The following RANBP2 variants were observed in gnomAD, a reference collection of about 807,000 sequenced individuals.
RANBP2 encodes the protein RAN binding protein 2.
In RANBP2, 57 loss-of-function variants were observed where a neutral mutation model predicts 303.6. The observed-to-expected ratio is 0.19, with a 90% CI of 0.15 to 0.23. The LOEUF (loss-of-function observed/expected upper bound fraction) is 0.23, where lower values mean the gene tolerates loss of function less well. Ranked by LOEUF, RANBP2 falls within the 10% of genes least tolerant of loss-of-function variation. The pLI is 1.00. For synonymous variants in RANBP2, 1,167 were observed against 1,301.5 expected (o/e 0.90, Z 2.23); for missense variants, 3,138 against 3,780.8 (o/e 0.83, Z 4.46).
chr2:109,565,197 C>T, the RANBP2 span, among the ~76,000 whole-genome samples: 6 of 151,640 alleles, frequency 4.0e-5, no homozygotes, highest in Non-Finnish European at 8.8e-5. Flanking sequence ...TCATTCATTA[C>T]AAAATTTATC....
chr2:109,226,457 T>C, the RANBP2 span, among the ~76,000 whole-genome samples: 1 of 152,214 alleles, frequency 6.6e-6, no homozygotes, highest in Non-Finnish European at 1.5e-5. Context: ...GTCCTCATCG[T>C]TAAGTAAGTA....
At chr2:108,878,112 A>G in the RANBP2 span, among the ~76,000 whole-genome samples, 1 of 152,254 alleles carries the variant, frequency 6.6e-6, no homozygotes, top group Non-Finnish European at 1.5e-5. Context: ...AAGAGATGAA[A>G]GAAAACAGTT....
chr2:109,510,277 G>A, the RANBP2 span, among the ~76,000 whole-genome samples: 1 of 152,312 alleles, frequency 6.6e-6, no homozygotes, highest in African/African-American at 2.4e-5. Flanking sequence ...GCTCTCAAGG[G>A]GTGTTTAGAT....
chr2:108,741,547 C>A (rs1369128503), intron 7 of RANBP2, among the ~76,000 whole-genome samples: 2 of 132,826 alleles, frequency 1.5e-5, no homozygotes, highest in East Asian at 4.5e-4. Context: ...GCTCTGTCGC[C>A]CAGTCTGGAG....
At chr2:109,335,168 C>T in the RANBP2 span, among the ~76,000 whole-genome samples, 1 of 152,244 alleles carries the variant, frequency 6.6e-6, no homozygotes, top group Non-Finnish European at 1.5e-5. Context: ...TGGGGTGTTA[C>T]CTGTTCCTTG....
the RANBP2 span, among the ~76,000 whole-genome samples, chr2:109,289,453 G>A: frequency 3.3e-5 from 5 of 152,106 alleles, no homozygotes; most frequent in East Asian, 1.9e-4. Context: ...TACATGTCAC[G>A]GATTGGCAGG....
chr2:109,518,143 A>G, the RANBP2 span, among the ~76,000 whole-genome samples: 6 of 152,236 alleles, frequency 3.9e-5, no homozygotes, highest in Non-Finnish European at 8.8e-5. Context: ...AACAACTCAC[A>G]GGGTAAAATA....
chr2:109,474,554 C>A, the RANBP2 span, among the ~76,000 whole-genome samples: 3 of 152,300 alleles, frequency 2.0e-5, no homozygotes, highest in South Asian at 6.2e-4. Context: ...CCGAACCGCA[C>A]GGGGCTTATA....
chr2:108,734,206 G>A (rs1488003949), intron 4 of RANBP2, among the ~76,000 whole-genome samples: 5 of 151,160 alleles, frequency 3.3e-5, no homozygotes, highest in Non-Finnish European at 5.9e-5. Context: ...GGAAAGACGA[G>A]TTTAAGTAGG....
chr2:109,291,842 T>G, the RANBP2 span, among the ~76,000 whole-genome samples: 10 of 152,236 alleles, frequency 6.6e-5, no homozygotes, highest in African/African-American at 2.4e-4. Flanking sequence ...ATTTCATGCC[T>G]TCTCAGTCTA....
chr2:108,848,392 C>T, the RANBP2 span, among the ~76,000 whole-genome samples: 13 of 152,026 alleles, frequency 8.6e-5, no homozygotes, highest in African/African-American at 2.4e-5. Flanking sequence ...TAGAGAAGAC[C>T]GTTAATTTGT....
chr2:108,796,325 A>G, the RANBP2 span, among the ~76,000 whole-genome samples: 2 of 152,034 alleles, frequency 1.3e-5, no homozygotes, highest in African/African-American at 4.8e-5. Context: ...AAGTGCTGGG[A>G]TTACAGGCGT....
intron 6 of RANBP2, among the ~76,000 whole-genome samples, chr2:108,736,967 T>C (rs1291985444): frequency 6.7e-6 from 1 of 149,340 alleles, no homozygotes; most frequent in Admixed American, 6.7e-5. Flanking sequence ...GCAGCAGAGA[T>C]TGTATGCCTG....
At chr2:108,857,845 A>C in the RANBP2 span, among the ~76,000 whole-genome samples, 1 of 152,224 alleles carries the variant, frequency 6.6e-6, no homozygotes, top group Non-Finnish European at 1.5e-5. Context: ...ACCAGATGCA[A>C]ATGTGTATTC....
At chr2:109,593,257 T>A in the RANBP2 span, 1 of 489,366 alleles carries the variant, frequency 2.0e-6, no homozygotes, top group Non-Finnish European at 3.6e-6. Flanking sequence ...GTCTACATTA[T>A]TGAATCGTGT....
chr2:108,886,664 G>A, the RANBP2 span, among the ~76,000 whole-genome samples: 33 of 151,412 alleles, frequency 2.2e-4, no homozygotes, highest in East Asian at 5.8e-4. Flanking sequence ...CATCTGCCTC[G>A]GCCTCCCAAA....
At chr2:109,409,044 T>C in the RANBP2 span, among the ~76,000 whole-genome samples, 1 of 152,232 alleles carries the variant, frequency 6.6e-6, no homozygotes, top group East Asian at 1.9e-4. Context: ...ATAACTTCCT[T>C]AACAGACCTC....
At chr2:109,080,040 A>G in the RANBP2 span, among the ~76,000 whole-genome samples, 1 of 152,240 alleles carries the variant, frequency 6.6e-6, no homozygotes, top group South Asian at 2.1e-4. Context: ...GGCTCTAAGC[A>G]TCTCCTCCGA....
At chr2:108,865,446 CTT>C in the RANBP2 span, among the ~76,000 whole-genome samples, 2 of 152,164 alleles carry the variant, frequency 1.3e-5, no homozygotes, top group African/African-American at 4.8e-5. Flanking sequence ...AAAATATTTC[CTT>C]GTTTCTTCTT....
Sources: gnomAD v4.1 joint callset for allele counts (sites outside exome capture counted in the v4.1 genomes callset) on GRCh38, gnomAD v4.1.1 for gene constraint, MANE v1.5 for transcripts, NCBI Gene and HGNC (gene_info 2026-07-23, HGNC 2026-07-21) for gene names.